The following CACNA1B variants were observed in gnomAD, a reference collection of about 807,000 sequenced individuals.
The protein encoded by CACNA1B is voltage-dependent N-type calcium channel subunit alpha-1B.
In CACNA1B, 70 loss-of-function variants were observed where a neutral mutation model predicts 247.2. That is an observed-to-expected ratio of 0.28 (90% CI 0.23 to 0.35). The LOEUF is 0.35. Ranked by LOEUF, CACNA1B falls within the 10% of genes least tolerant of loss-of-function variation. The pLI is 1.00. For missense variants in CACNA1B, 2,367 were observed against 3,197.4 expected, an observed-to-expected ratio of 0.74 and a Z score of 6.26; for synonymous variants, 1,231 against 1,294.4, an observed-to-expected ratio of 0.95 and a Z score of 1.05.
At position 138,025,165 on chromosome 9, in the gene CACNA1B, C is replaced by G. The variant is rs147270326; in HGVS notation, c.3279C>G (p.Val1093=). 254 of 1,605,960 alleles carry G rather than the reference C, an allele frequency of 1.6e-4. No individual in the cohort carries two copies. The highest frequency in any genetic ancestry group is 2.1e-4 in the Non-Finnish European group (246 of 1,175,430). ...CGGGCCCTCTTGGGGAAGCCACGGT[C>G]GTTCCCAGTGAGTATCTCCCTGTGC... ...MLTGPLGEAT[V]VPSGNVDLES... is the part of the protein sequence containing the mutation. Residue 1093 remains valine (V), a synonymous_variant, in exon 20 of 47, where the codon GTC becomes GTG. Transcript: ENST00000371372.
chr9:137,995,826 G>A (rs1422985145), intron 15 of CACNA1B, among the ~76,000 whole-genome samples: 1 of 151,912 alleles, frequency 6.6e-6, no homozygotes, highest in Non-Finnish European at 1.5e-5. Context: ...AAATCAGCAA[G>A]AAAAAAACAA....
At chr9:137,930,011 G>T (rs954305773) in intron 6 of CACNA1B, among the ~76,000 whole-genome samples, 2 of 151,852 alleles carry the variant, frequency 1.3e-5, no homozygotes, top group African/African-American at 4.8e-5. Context: ...TACCCAGACT[G>T]GTCTTGAACT....
At chr9:138,067,237 A>G (rs1379859268) in intron 31 of CACNA1B, among the ~76,000 whole-genome samples, 1 of 152,224 alleles carries the variant, frequency 6.6e-6, no homozygotes, top group Admixed American at 6.5e-5. Context: ...TCAATAAACA[A>G]TCTTCCTATA....
intron 10 of CACNA1B, among the ~76,000 whole-genome samples, chr9:137,963,927 G>A (rs752619632): frequency 4.6e-5 from 7 of 152,150 alleles, no homozygotes; most frequent in Non-Finnish European, 8.8e-5. Flanking sequence ...TGCCTGAAAA[G>A]GATCTTATTT....
In CACNA1B at chr9:138,114,362, C is replaced by G. The variant is rs1961779954; in HGVS notation, c.5537-16C>G. On this transcript the variant is annotated splice_polypyrimidine_tract_variant and intron_variant, in intron 40 of 46. Coordinates refer to ENST00000371372, the MANE Select transcript of CACNA1B (RefSeq NM_000718.4). ...TGCCCCCTTCTCCGAATCTCAACTC[C>G]TGTGTTCTTTTCCAGCTGATGAGAT... The G allele has an allele frequency of 7.6e-7, 1 of 1,323,862 alleles. No individual in the cohort carries two copies. Among genetic ancestry groups the G allele is most frequent in the African/African-American group, 1.4e-5 (1 of 70,780 alleles). The allele number at this position is 1,323,862 out of a possible 1,614,324, so 82.0% of individuals were successfully genotyped here.
intron 20 of CACNA1B, chr9:138,032,579 T>C (rs1959000265): frequency 2.3e-6 from 1 of 430,308 alleles, no homozygotes; most frequent in African/African-American, 2.1e-5. Context: ...TGACAAATTC[T>C]CTTAGTTTTC....
In CACNA1B at chr9:138,049,297, T is replaced by C; in HGVS notation, c.3692T>C (p.Leu1231Pro). Reference protein sequence around the residue: ...ILDFIVVSGALVAFAFSGSKG... With the variant: ...ILDFIVVSGAPVAFAFSGSKG... ...GACTTCATTGTGGTCAGTGGCGCCC[T>C]GGTGGCGTTTGCTTTCTCGTAAGTA... The change falls in exon 24 of 47, where the codon CTG becomes CCG. Residue 1231 changes from leucine (L) to proline (P), a missense_variant. Coordinates refer to ENST00000371372, the MANE Select transcript of CACNA1B (RefSeq NM_000718.4). The C allele has an allele frequency of 6.2e-7, 1 of 1,610,046 alleles. No homozygotes were observed. The highest frequency in any genetic ancestry group is 8.5e-7 in the Non-Finnish European group (1 of 1,176,238).
At chr9:138,087,052 C>G (rs1960715193) in intron 36 of CACNA1B, among the ~76,000 whole-genome samples, 1 of 151,120 alleles carries the variant, frequency 6.6e-6, no homozygotes, top group East Asian at 2.0e-4. Flanking sequence ...TTAACATTCT[C>G]CTGAAAGACA....
At position 138,025,031 on chromosome 9, in the gene CACNA1B, C is replaced by T; in HGVS notation, c.3145C>T (p.Gln1049Ter). The change falls in exon 20 of 47, where the codon CAG becomes TAG. Residue 1049 changes from glutamine (Q) to a stop codon, truncating the protein, a stop_gained. Coordinates refer to ENST00000371372, the MANE Select transcript of CACNA1B (RefSeq NM_000718.4). LOFTEE classifies it high-confidence loss of function. The stretch of plus-strand genomic sequence containing the variant: ...GCACACACTGCCCAGCACCTGTCTC[C>T]AGAAGGTGGAGGAACAGCCAGAGGA... ...PMHTLPSTCL[Q>*]KVEEQPEDAD... 6.2e-7 allele frequency: 1 copy of T among 1,606,966 alleles called. No homozygotes were observed. Among genetic ancestry groups the T allele is most frequent in the Non-Finnish European group, 8.5e-7 (1 of 1,176,710 alleles).
At chr9:137,903,179 C>G (rs1000926758) in intron 3 of CACNA1B, among the ~76,000 whole-genome samples, 2 of 152,000 alleles carry the variant, frequency 1.3e-5, no homozygotes, top group Non-Finnish European at 2.9e-5. Flanking sequence ...GTCAAGAGAT[C>G]GAGACCATTA....
In CACNA1B at chr9:138,013,230, C is replaced by T. The variant is rs201291570; in HGVS notation, c.2262C>T (p.Ile754=). The change falls in exon 18 of 47, where the codon ATC becomes ATT. Residue 754 remains isoleucine (I), a synonymous_variant. Transcript: ENST00000371372. ...CCATGTCTGCCGCGAACATCTCCAT[C>T]GCCGCGTAAGGCTCCTAGGAGTGGA... ...VSPMSAANIS[I]AARQQNSAKA... is the part of the protein sequence containing the mutation. 6.9e-5 allele frequency: 110 copies of T among 1,590,880 alleles called. 1 individual carries two copies. Among genetic ancestry groups the T allele is most frequent in the Middle Eastern group, 1.7e-4 (1 of 5,806 alleles).
intron 20 of CACNA1B, among the ~76,000 whole-genome samples, chr9:138,037,169 T>G (rs1036484362): frequency 8.5e-5 from 13 of 152,372 alleles, no homozygotes; most frequent in Admixed American, 2.0e-4. Flanking sequence ...TTTGGTACAG[T>G]CCTCTGTCCT....
At chr9:138,092,549 AAC>A (rs1345451008) in intron 36 of CACNA1B, among the ~76,000 whole-genome samples, 1 of 152,220 alleles carries the variant, frequency 6.6e-6, no homozygotes, top group Non-Finnish European at 1.5e-5. Flanking sequence ...ATATCGTTCA[AAC>A]ACACATGTTT....
At chr9:138,064,706 A>G (rs1442236140) in intron 31 of CACNA1B, among the ~76,000 whole-genome samples, 1 of 152,140 alleles carries the variant, frequency 6.6e-6, no homozygotes, top group Non-Finnish European at 1.5e-5. Flanking sequence ...CTCGCTGCCC[A>G]CTGTGGTGGT....
chr9:137,971,422 C>A lies in CACNA1B; in HGVS notation c.1373C>A (p.Thr458Lys). Residue 458 changes from threonine to lysine, a missense_variant, in exon 11 of 47, where the codon ACA (threonine) becomes AAA (lysine). By Grantham distance (78) the Thr-to-Lys change is moderately conservative. Coordinates refer to ENST00000371372, the MANE Select transcript of CACNA1B (RefSeq NM_000718.4). The surrounding 1 kb of genome is among the most constrained non-coding windows in gnomAD (Gnocchi z 4.4). ...CGCGCCAGCCTCAAGAGCGGGAAGA[C>A]AGAGAGCTCGTCATACTTCCGGAGG... Reference protein sequence around the residue: ...FARASLKSGKTESSSYFRRKE... With the variant: ...FARASLKSGKKESSSYFRRKE... 3 of 1,613,498 alleles carry A rather than the reference C, an allele frequency of 1.9e-6. No homozygotes were observed. Among genetic ancestry groups the A allele is most frequent in the South Asian group, 2.2e-5 (2 of 90,926 alleles).
intron 18 of CACNA1B, among the ~76,000 whole-genome samples, chr9:138,019,605 G>T (rs1406671254): frequency 3.3e-5 from 5 of 152,076 alleles, no homozygotes; most frequent in African/African-American, 1.2e-4. Flanking sequence ...GTGGCCAGGT[G>T]TCCTGTCCCT....
chr9:138,097,487 G>A (rs762526438), intron 37 of CACNA1B, among the ~76,000 whole-genome samples: 40 of 152,210 alleles, frequency 2.6e-4, no homozygotes, highest in Non-Finnish European at 5.1e-4. Context: ...TTACTTGCTC[G>A]CTCACTCACT....
intron 34 of CACNA1B, 106 bp from the exon 35 acceptor site, chr9:138,075,713 T>C (rs1292010337): frequency 1.4e-6 from 1 of 699,132 alleles, no homozygotes; most frequent in African/African-American, 1.8e-5. Flanking sequence ...GTCGCCCATC[T>C]CACGTGGGGT....
At position 137,978,556 on chromosome 9, in the gene CACNA1B, C is replaced by T. The variant is rs571949531; in HGVS notation, c.1656+2537C>T. On this transcript the variant is annotated intron_variant, in intron 12 of 46. Transcript: ENST00000371372. ...AGGAAGGAGTGGGGAGTAGGAGTGC[C>T]GCCCCCCAAGGGAGGGTTTGGAGCT... Among the ~76,000 whole-genome samples, 9 of 152,238 alleles carry T rather than the reference C, an allele frequency of 5.9e-5. No individual in the cohort carries two copies. The South Asian group carries it at 1.0e-3, about 18-fold the overall frequency.
Sources: gnomAD v4.1 joint callset for allele counts (sites outside exome capture counted in the v4.1 genomes callset) on GRCh38, gnomAD v4.1.1 for gene constraint, Gnocchi (gnomAD v3.1) non-coding constraint, MANE v1.5 for transcripts, NCBI Gene and HGNC (gene_info 2026-07-23, HGNC 2026-07-21) for gene names.